Variants in TMEM63C observed in about 807,000 individuals in gnomAD.
TMEM63C encodes the protein osmosensitive cation channel TMEM63C.
A neutral mutation model predicts 99.2 loss-of-function variants in TMEM63C; 32 were observed. That is an observed-to-expected ratio of 0.32 (90% confidence interval 0.24 to 0.43). The LOEUF (loss-of-function observed/expected upper bound fraction) is 0.43. Among genes scored for constraint, TMEM63C ranks in the 20% least tolerant of loss-of-function variants. The probability of loss-of-function intolerance (pLI) is 1.00; values close to 1 mark genes in which losing one functional copy is unlikely to be tolerated. For missense variants in TMEM63C, 826 were observed against 1,053.0 expected, an observed-to-expected ratio of 0.78 and a Z score of 2.98; for synonymous variants, 376 against 397.9, an observed-to-expected ratio of 0.94 and a Z score of 0.66.
At chr14:77,213,388 A>G (rs918534693) in intron 1 of TMEM63C, 58 bp from the exon 2 acceptor site, 1 of 152,272 alleles carries the variant, frequency 6.6e-6, no homozygotes, top group Non-Finnish European at 1.5e-5. Context: ...GCTGCCAGCA[A>G]GGGAGTTCCT....
chr14:77,238,196 G>T (rs1889093875), intron 9 of TMEM63C, among the ~76,000 whole-genome samples: 1 of 152,168 alleles, frequency 6.6e-6, no homozygotes, highest in African/African-American at 2.4e-5. Flanking sequence ...CCTCTCCCCA[G>T]AGTCTTGTTT....
Position 77,216,246 on chromosome 14 carries a change from C to T in TMEM63C, c.-13-2555C>T, listed in dbSNP as rs578178785. Among the ~76,000 whole-genome samples the T allele has an allele frequency of 3.3e-5, 5 of 152,324 alleles. No individual in the cohort carries two copies. In the South Asian group the frequency reaches 1.0e-3, roughly 32 times the overall value. On this transcript the variant is annotated intron_variant, in intron 2 of 23. Coordinates refer to ENST00000298351, the MANE Select transcript of TMEM63C (RefSeq NM_020431.4). ...TGTCTTCATTCAACCCAGGACACCA[C>T]CCTCTCCTGCTTTTCCTCCTTCCTC...
chr14:77,252,543 T>C (rs1033938362), intron 22 of TMEM63C, among the ~76,000 whole-genome samples: 2 of 152,246 alleles, frequency 1.3e-5, no homozygotes, highest in Admixed American at 6.5e-5. Context: ...GATCACAACA[T>C]AATTTTTCAT....
At chr14:77,250,525 C>A in intron 21 of TMEM63C, among the ~76,000 whole-genome samples, 2 of 151,628 alleles carry the variant, frequency 1.3e-5, no homozygotes, top group Admixed American at 1.3e-4. Context: ...CTGCAACCTC[C>A]GCCTCCCGGG....
chr14:77,200,519 C>T (rs977909197), intron 1 of TMEM63C, among the ~76,000 whole-genome samples: 2 of 152,238 alleles, frequency 1.3e-5, no homozygotes, highest in Non-Finnish European at 2.9e-5. Context: ...CTGCCTCCCA[C>T]CCATCACTGG....
At chr14:77,216,523 C>T (rs1406574582) in intron 2 of TMEM63C, among the ~76,000 whole-genome samples, 2 of 152,148 alleles carry the variant, frequency 1.3e-5, no homozygotes, top group African/African-American at 4.8e-5. Context: ...ATGTTCCAAA[C>T]TCAACTCTTG....
intron 5 of TMEM63C, among the ~76,000 whole-genome samples, chr14:77,224,732 C>A (rs1888787029): frequency 6.6e-6 from 1 of 152,162 alleles, no homozygotes; most frequent in Admixed American, 6.5e-5. Flanking sequence ...TCAAAGATGC[C>A]ACCAAACCAC....
At chr14:77,238,792 G>T in intron 10 of TMEM63C, 25 bp downstream of exon 10, 2 of 1,593,620 alleles carry the variant, frequency 1.3e-6, no homozygotes, top group South Asian at 1.1e-5. Flanking sequence ...GTAGGCCAAG[G>T]CGTGGATTGC....
chr14:77,219,079 A>G, intron 3 of TMEM63C, 116 bp downstream of exon 3: 1 of 1,209,600 alleles, frequency 8.3e-7, no homozygotes, highest in African/African-American at 1.5e-5. Flanking sequence ...CATTGATACA[A>G]ACTGCCTGAA....
intron 6 of TMEM63C, among the ~76,000 whole-genome samples, chr14:77,227,314 G>A (rs1173634662): frequency 6.6e-6 from 1 of 152,156 alleles, no homozygotes; most frequent in Non-Finnish European, 1.5e-5. Flanking sequence ...AATGGGAGGG[G>A]AAGATGGGAG....
rs761552709 is a variant in TMEM63C, at chr14:77,220,019, A to G, written c.244A>G (p.Ile82Val). The change falls in exon 5 of 24, where the codon ATC becomes GTC. Residue 82 changes from isoleucine (I) to valine (V), a missense_variant. Ile to Val is a conservative substitution (Grantham distance 29). Coordinates refer to ENST00000298351, the MANE Select transcript of TMEM63C (RefSeq NM_020431.4). ...LIHNDSLTSL[I>V]YGEQSEKTSP... is the part of the protein sequence containing the mutation. The stretch of plus-strand genomic sequence containing the variant: ...CCTGGCTGGCAGCCTGACCTCGCTG[A>G]TCTATGGGGAGCAGAGCGAGAAGAC... 6.4e-7 allele frequency: 1 copy of G among 1,559,788 alleles called. No individual in the cohort carries two copies.
rs200050021 is a variant in TMEM63C, at chr14:77,248,830, G to T, written c.1828G>T (p.Val610Leu). Reference sequence around the variant, plus strand: ...GTGGATGATGAACGTGTTCAGCGTGGTGATGGCGTACAGCATCACTTGCCC... The same window carrying T: ...GTGGATGATGAACGTGTTCAGCGTGTTGATGGCGTACAGCATCACTTGCCC... ...YAWMMNVFSV[V>L]MAYSITCPII... The change falls in exon 20 of 24, where the codon GTG becomes TTG. Residue 610 changes from valine to leucine, a missense_variant. Coordinates refer to ENST00000298351, the MANE Select transcript of TMEM63C (RefSeq NM_020431.4). 7 of 1,614,066 alleles carry T rather than the reference G, an allele frequency of 4.3e-6. No homozygotes were observed. The Admixed American group carries it at 1.0e-4, about 23-fold the overall frequency.
chr14:77,217,054 A>G (rs1001861807), intron 2 of TMEM63C, among the ~76,000 whole-genome samples: 2 of 152,102 alleles, frequency 1.3e-5, no homozygotes, highest in Non-Finnish European at 2.9e-5. Context: ...CTGTAGTCCC[A>G]GCTACTCTTG....
intron 17 of TMEM63C, among the ~76,000 whole-genome samples, chr14:77,246,320 G>A (rs572564369): frequency 6.6e-6 from 1 of 152,258 alleles, no homozygotes; most frequent in Non-Finnish European, 1.5e-5. Flanking sequence ...AAATTCAGAA[G>A]AGGGAGAGAG....
chr14:77,227,566 T>C (rs933903664), intron 6 of TMEM63C, among the ~76,000 whole-genome samples: 2 of 152,006 alleles, frequency 1.3e-5, no homozygotes, highest in African/African-American at 4.8e-5. Context: ...GAGGCTGTAG[T>C]TGAAGTCATG....
intron 1 of TMEM63C, among the ~76,000 whole-genome samples, chr14:77,202,737 C>T (rs1244431845): frequency 6.6e-6 from 1 of 152,068 alleles, no homozygotes; most frequent in Non-Finnish European, 1.5e-5. Flanking sequence ...TCCATGCTTC[C>T]ACGTGGACAT....
intron 1 of TMEM63C, among the ~76,000 whole-genome samples, chr14:77,206,423 G>A (rs895285022): frequency 6.6e-6 from 1 of 152,234 alleles, no homozygotes; most frequent in African/African-American, 2.4e-5. Flanking sequence ...CTTGCCTCTG[G>A]CTTTCAGGCA....
chr14:77,208,816 G>A (rs1325246897), intron 1 of TMEM63C, among the ~76,000 whole-genome samples: 1 of 152,204 alleles, frequency 6.6e-6, no homozygotes, highest in Non-Finnish European at 1.5e-5. Flanking sequence ...AGAATTGCCT[G>A]GCCCTGCCCA....
At chr14:77,202,487 G>A (rs534412894) in intron 1 of TMEM63C, among the ~76,000 whole-genome samples, 4 of 152,256 alleles carry the variant, frequency 2.6e-5, no homozygotes, top group East Asian at 3.9e-4. Flanking sequence ...CAGCAGGGCC[G>A]TGCTCCCTCT....
Sources: gnomAD v4.1 joint callset for allele counts (sites outside exome capture counted in the v4.1 genomes callset) on GRCh38, gnomAD v4.1.1 for gene constraint, MANE v1.5 for transcripts, NCBI Gene and HGNC (gene_info 2026-07-23, HGNC 2026-07-21) for gene names.